SF3B3: variants seen among roughly 807,000 people sequenced by gnomAD.
SF3B3 encodes SAP 130.
A neutral mutation model predicts 139.2 loss-of-function variants in SF3B3; 33 were observed. The ratio of observed to expected loss-of-function variants is 0.24; its 90% CI spans 0.18 to 0.32. SF3B3 has a LOEUF of 0.32. SF3B3 is among the 10% of genes least tolerant of loss of function. The probability of loss-of-function intolerance (pLI) is 1.00; values close to 1 mark genes in which losing one functional copy is unlikely to be tolerated. For synonymous variants in SF3B3, 596 were observed against 563.6 expected (o/e 1.06, Z -0.81); for missense variants, 818 against 1,509.4 (o/e 0.54, Z 7.59).
rs779046652 is a variant in SF3B3, at chr16:70,555,083, A to G, written c.1587A>G (p.Ala529=). The change falls in exon 13 of 26, where the codon GCA becomes GCG. Residue 529 remains alanine (A), a synonymous_variant. Coordinates refer to ENST00000302516, the MANE Select transcript of SF3B3 (RefSeq NM_012426.5). ...CAGATGGCATTCGGCACATACGAGC[A>G]GACAAGAGAGTCAATGAGTGGAAGA... The part of the protein sequence containing the change: ...VYPDGIRHIR[A]DKRVNEWKTP... 1.2e-6 allele frequency: 2 copies of G among 1,614,196 alleles called. No individual in the cohort carries two copies. Among genetic ancestry groups the G allele is most frequent in the South Asian group, 1.1e-5 (1 of 91,080 alleles).
Position 70,573,598 on chromosome 16 carries a change from T to A in SF3B3, c.*1785T>A, listed in dbSNP as rs1202278350. On this transcript the variant is annotated 3_prime_UTR_variant, in exon 26 of 26. Transcript: ENST00000302516. Reference sequence around the variant, plus strand: ...GGAAAGGAATTTTCATAGTTGTTGCTGCAGGACCTACAAAAGTTTAAAATT... The same window carrying A: ...GGAAAGGAATTTTCATAGTTGTTGCAGCAGGACCTACAAAAGTTTAAAATT... The A allele has an allele frequency of 6.6e-6, 1 of 152,250 alleles. No individual in the cohort carries two copies. Among genetic ancestry groups the A allele is most frequent in the Non-Finnish European group, 1.5e-5 (1 of 68,060 alleles). 9.4% of individuals were successfully genotyped at this position (152,250 alleles called of 1,614,324 possible).
chr16:70,528,597 C>T (rs1395392260), intron 2 of SF3B3, among the ~76,000 whole-genome samples: 1 of 151,110 alleles, frequency 6.6e-6, no homozygotes, highest in Non-Finnish European at 1.5e-5. Flanking sequence ...GTAGCTGGGA[C>T]TAGAGGCACA....
In SF3B3 at chr16:70,573,630, G is replaced by C. The variant is rs537673007; in HGVS notation, c.*1817G>C. 6.6e-5 allele frequency: 10 copies of C among 152,316 alleles called. No individual in the cohort carries two copies. The South Asian group carries it at 2.1e-3, about 32-fold the overall frequency. 9.4% of individuals were successfully genotyped at this position (152,316 alleles called of 1,614,324 possible). On this transcript the variant is annotated 3_prime_UTR_variant, in exon 26 of 26. Coordinates refer to ENST00000302516, the MANE Select transcript of SF3B3 (RefSeq NM_012426.5). Reference sequence around the variant, plus strand: ...CCTACAAAAGTTTAAAATTAGATTGGATGTGACTCAATGACAAGTCCCATC... The same window carrying C: ...CCTACAAAAGTTTAAAATTAGATTGCATGTGACTCAATGACAAGTCCCATC...
In SF3B3 at chr16:70,561,226, G is replaced by A. The variant is rs192674138; in HGVS notation, c.2134-404G>A. 257 of 159,078 alleles carry A rather than the reference G, an allele frequency of 1.6e-3. 2 individuals are homozygous for A. Among genetic ancestry groups the A allele is most frequent in the African/African-American group, 5.6e-3 (234 of 41,652 alleles). The allele number at this position is 159,078 out of a possible 1,614,324, so 9.9% of individuals were successfully genotyped here. ...AGTAGAGATGAGGTTTCACTATGTT[G>A]GCCAGGTTGGCCTCGAACTCCTGAC... On this transcript the variant is annotated intron_variant, in intron 16 of 25. Transcript: ENST00000302516.
intron 10 of SF3B3, among the ~76,000 whole-genome samples, chr16:70,547,081 C>CT (rs1314614483): frequency 2.7e-4 from 41 of 152,128 alleles, no homozygotes; most frequent in Middle Eastern, 3.4e-3. Flanking sequence ...TCCTTTATGT[C>CT]TATTTGTTAC....
At chr16:70,571,570 CTA>C (rs1023206409) in intron 25 of SF3B3, 101 bp from the exon 26 acceptor site, 2 of 1,321,464 alleles carry the variant, frequency 1.5e-6, no homozygotes, top group Admixed American at 2.5e-5. Flanking sequence ...GTCTCAAAAA[CTA>C]AAAAATAAAA....
At position 70,565,275 on chromosome 16, in the gene SF3B3, GCAGCCCAGGA is replaced by G; in HGVS notation, c.2669+9_2669+18del. 6.2e-7 allele frequency: 1 copy of G among 1,614,226 alleles called. No individual in the cohort carries two copies. The highest frequency in any genetic ancestry group is 8.5e-7 in the Non-Finnish European group (1 of 1,180,038). ...ACAGAATGAGGCAGCTTTTAGGTAA[GCAGCCCAGGA>G]CAGTCCAGGGTTTGGCAGGCTGGAA... On this transcript the variant is annotated splice_donor_region_variant and intron_variant, in intron 19 of 25. Coordinates refer to ENST00000302516, the MANE Select transcript of SF3B3 (RefSeq NM_012426.5).
chr16:70,536,789 T>C (rs1024016590), intron 6 of SF3B3, among the ~76,000 whole-genome samples: 2 of 150,218 alleles, frequency 1.3e-5, no homozygotes, highest in African/African-American at 4.9e-5. Flanking sequence ...GCCCTGCCAG[T>C]CTGGGCTAAT....
chr16:70,564,194 A>G, intron 18 of SF3B3, 144 bp downstream of exon 18: 2 of 746,848 alleles, frequency 2.7e-6, no homozygotes, highest in Non-Finnish European at 4.3e-6. Context: ...AACATAGCAA[A>G]ACTGCACCTC....
rs1242380226 is a variant in SF3B3, at chr16:70,546,229, C to T, written c.1329+1696C>T. On this transcript the variant is annotated intron_variant, in intron 10 of 25. Coordinates refer to ENST00000302516, the MANE Select transcript of SF3B3 (RefSeq NM_012426.5). The stretch of plus-strand genomic sequence containing the variant: ...CAAGTGAGCCTCCCACTTCACCCTC[C>T]CAAAGTGTTGTGATTACAAGCGTGA... Among the ~76,000 whole-genome samples, 3 of 152,326 alleles carry T rather than the reference C, an allele frequency of 2.0e-5. No individual in the cohort carries two copies. In the East Asian group the frequency reaches 5.8e-4, roughly 29 times the overall value.
intron 11 of SF3B3, among the ~76,000 whole-genome samples, chr16:70,552,076 A>T (rs750911911): frequency 6.6e-6 from 1 of 152,170 alleles, no homozygotes; most frequent in Non-Finnish European, 1.5e-5. Flanking sequence ...CTTATGTTTG[A>T]GTAGTCTGAA....
chr16:70,541,803 T>C lies in SF3B3; in HGVS notation c.1202T>C (p.Leu401Ser), dbSNP rs769298775. The C allele has an allele frequency of 1.2e-6, 2 of 1,614,172 alleles. No individual in the cohort carries two copies. The highest frequency in any genetic ancestry group is 1.1e-5 in the South Asian group (1 of 91,078). ...PLKNLVLVDE[L>S]DSLSPILFCQ... ...AAAAACCTTGTGCTGGTTGATGAGT[T>C]GGACAGCCTCTCTCCCATTCTGTTT... The change falls in exon 9 of 26, where the codon TTG becomes TCG. Residue 401 changes from leucine (L) to serine (S), a missense_variant. By Grantham distance (145) the Leu-to-Ser change is moderately radical. Transcript: ENST00000302516.
chr16:70,526,548 A>G, intron 1 of SF3B3, 39 bp from the exon 2 acceptor site: 4 of 707,862 alleles, frequency 5.7e-6, no homozygotes, highest in Non-Finnish European at 9.8e-6. Flanking sequence ...TGTTGAAGTA[A>G]TAGTCTCCCA....
chr16:70,571,069 G>C, intron 24 of SF3B3, 26 bp from the exon 25 acceptor site: 5 of 1,546,698 alleles, frequency 3.2e-6, no homozygotes, highest in Non-Finnish European at 4.5e-6. Flanking sequence ...ACTTCTCAGT[G>C]ACAGATTTTT....
chr16:70,567,629 C>A, intron 21 of SF3B3, 93 bp downstream of exon 21: 1 of 1,410,984 alleles, frequency 7.1e-7, no homozygotes, highest in Non-Finnish European at 9.6e-7. Flanking sequence ...AAAATCTTAT[C>A]TTTATTAGGA....
At chr16:70,561,466 G>C in intron 16 of SF3B3, 164 bp from the exon 17 acceptor site, 1 of 625,776 alleles carries the variant, frequency 1.6e-6, no homozygotes. Flanking sequence ...AAGCCATAGT[G>C]CCTCTCTCTA....
rs1322044486 is a variant in SF3B3 at position 70,573,372 on chromosome 16, G to C, written c.*1559G>C. On this transcript the variant is annotated 3_prime_UTR_variant, in exon 26 of 26. Coordinates refer to ENST00000302516, the MANE Select transcript of SF3B3 (RefSeq NM_012426.5). The stretch of plus-strand genomic sequence containing the variant: ...GGAACTCAGCGTAGATACTTGAGCA[G>C]CTCCTCGCCTCTTTTCTAACTCAAG... The C allele has an allele frequency of 6.6e-6, 1 of 152,272 alleles. No individual in the cohort carries two copies. The highest frequency in any genetic ancestry group is 1.9e-4 in the East Asian group (1 of 5,186). The allele number at this position is 152,272 out of a possible 1,614,324, so 9.4% of individuals were successfully genotyped here.
chr16:70,535,301 C>G lies in SF3B3; in HGVS notation c.713-7C>G, dbSNP rs376789557. 4.8e-6 allele frequency: 7 copies of G among 1,468,064 alleles called. No individual in the cohort carries two copies. The highest frequency in any genetic ancestry group is 6.5e-6 in the Non-Finnish European group (7 of 1,074,304). The allele number at this position is 1,468,064 out of a possible 1,614,324, so 90.9% of individuals were successfully genotyped here. On this transcript the variant is annotated splice_region_variant and splice_polypyrimidine_tract_variant and intron_variant, in intron 5 of 25. Coordinates refer to ENST00000302516, the MANE Select transcript of SF3B3 (RefSeq NM_012426.5). ...AAGTCACTGCTAAGTTTTATTTTCT[C>G]TCACAGTTCCAGGAGGGTCAGATGG... is the stretch of plus-strand genomic sequence containing the variant.
At chr16:70,569,213 G>A (rs1459206389) in intron 23 of SF3B3, 72 bp downstream of exon 23, 7 of 1,096,590 alleles carry the variant, frequency 6.4e-6, no homozygotes, top group Non-Finnish European at 9.4e-6. Context: ...TGAAGAAATT[G>A]CCTTTGGTGA....
Sources: allele counts gnomAD v4.1 joint callset (sites outside exome capture counted in the v4.1 genomes callset), GRCh38; gene constraint gnomAD v4.1.1; transcripts MANE v1.5; gene names NCBI Gene and HGNC (gene_info 2026-07-23, HGNC 2026-07-21).